ADAMTS6: variants seen among roughly 807,000 people sequenced by gnomAD.
ADAMTS6 encodes the protein ADAM metallopeptidase with thrombospondin type 1 motif 6, also known as A disintegrin and metalloproteinase with thrombospondin motifs 6.
A neutral mutation model predicts 144.3 loss-of-function variants in ADAMTS6; 23 were observed. That is an observed-to-expected ratio of 0.16 (90% confidence interval 0.11 to 0.23). The LOEUF is 0.23. ADAMTS6 is among the 10% of genes least tolerant of loss of function. The pLI is 1.00. For synonymous variants in ADAMTS6, 444 were observed against 457.5 expected, an observed-to-expected ratio of 0.97 and a Z score of 0.38; for missense variants, 999 against 1,379.6, an observed-to-expected ratio of 0.72 and a Z score of 4.37.
chr5:65,274,892 C>A lies in ADAMTS6; in HGVS notation c.1513-1445G>T, dbSNP rs183501055. Among the ~76,000 whole-genome samples, 22 of 152,224 alleles carry A rather than the reference C, an allele frequency of 1.4e-4. No homozygotes were observed. In the East Asian group the frequency reaches 3.1e-3, roughly 21 times the overall value. ...TAGAGACAGGGTTTCACGATGTTGG[C>A]CAGGCTGGTCTTGAACTCCTGACCT... On this transcript the variant is annotated intron_variant, in intron 11 of 24. Transcript: ENST00000381055.
At chr5:65,239,654 A>G (rs1464125133) in intron 15 of ADAMTS6, among the ~76,000 whole-genome samples, 2 of 152,214 alleles carry the variant, frequency 1.3e-5, no homozygotes, top group Non-Finnish European at 2.9e-5. Context: ...TGTAAAACTT[A>G]TAAATGACTA....
At chr5:65,205,314 C>T (rs911175878) in intron 20 of ADAMTS6, among the ~76,000 whole-genome samples, 6 of 152,092 alleles carry the variant, frequency 3.9e-5, no homozygotes, top group African/African-American at 1.4e-4. Flanking sequence ...TGTTAGTTCA[C>T]TAATAATGTG....
At chr5:65,304,655 C>T (rs1263574325) in intron 9 of ADAMTS6, among the ~76,000 whole-genome samples, 1 of 152,068 alleles carries the variant, frequency 6.6e-6, no homozygotes, top group Non-Finnish European at 1.5e-5. Flanking sequence ...TGATCTCAAA[C>T]TCTGGGCTCA....
chr5:65,427,791 C>T (rs375251041), intron 7 of ADAMTS6, among the ~76,000 whole-genome samples: 14 of 139,634 alleles, frequency 1.0e-4, no homozygotes, highest in Non-Finnish European at 1.4e-4. Flanking sequence ...GAGCAAGACT[C>T]GGTCTCAAAA....
chr5:65,341,496 C>A (rs901073256), intron 7 of ADAMTS6, among the ~76,000 whole-genome samples: 1 of 151,602 alleles, frequency 6.6e-6, no homozygotes, highest in African/African-American at 2.4e-5. Context: ...AATAATATCT[C>A]AGAAATAAAA....
chr5:65,347,923 T>C (rs560916035), intron 7 of ADAMTS6, among the ~76,000 whole-genome samples: 2 of 152,154 alleles, frequency 1.3e-5, no homozygotes, highest in East Asian at 3.9e-4. Context: ...TATGAAAGAA[T>C]GTTCAACATC....
At chr5:65,405,476 A>G (rs1284556271) in intron 7 of ADAMTS6, among the ~76,000 whole-genome samples, 1 of 152,002 alleles carries the variant, frequency 6.6e-6, no homozygotes, top group African/African-American at 2.4e-5. Context: ...TATTATTTCT[A>G]AGGGCTCTGT....
At chr5:65,470,113 G>C (rs1760319560) in intron 3 of ADAMTS6, among the ~76,000 whole-genome samples, 1 of 151,852 alleles carries the variant, frequency 6.6e-6, no homozygotes. Flanking sequence ...TTTAGAAATG[G>C]GTGCCTCGCC....
intron 8 of ADAMTS6, among the ~76,000 whole-genome samples, chr5:65,333,232 A>G (rs1746953387): frequency 6.7e-6 from 1 of 148,940 alleles, no homozygotes; most frequent in Non-Finnish European, 1.5e-5. Context: ...AAAAATTGAG[A>G]AAAAAAGCTT....
intron 14 of ADAMTS6, among the ~76,000 whole-genome samples, chr5:65,249,201 G>A (rs537493745): frequency 6.6e-6 from 1 of 152,118 alleles, no homozygotes; most frequent in Non-Finnish European, 1.5e-5. Context: ...TTTCCTGATG[G>A]TCCACACCTG....
Position 65,473,835 on chromosome 5 carries a change from C to G in ADAMTS6, c.-162G>C. The G allele has an allele frequency of 1.8e-6, 1 of 547,886 alleles. No individual in the cohort carries two copies. The highest frequency in any genetic ancestry group is 2.8e-5 in the East Asian group (1 of 35,368). The allele number at this position is 547,886 out of a possible 1,614,324, so 33.9% of individuals were successfully genotyped here. On this transcript the variant is annotated 5_prime_UTR_variant, in exon 2 of 25. Coordinates refer to ENST00000381055, the MANE Select transcript of ADAMTS6 (RefSeq NM_197941.4). ...AGCCACTTTTATCCAACATCCTGCA[C>G]TTTCTTCTATATCTGGATTCATTTT...
chr5:65,267,255 A>G (rs1761693515), intron 12 of ADAMTS6, among the ~76,000 whole-genome samples: 2 of 152,088 alleles, frequency 1.3e-5, no homozygotes, highest in African/African-American at 4.8e-5. Context: ...TTTATTTTCA[A>G]AGGTTATCCA....
At chr5:65,197,264 C>G in intron 20 of ADAMTS6, 113 bp from the exon 21 acceptor site, 2 of 1,069,458 alleles carry the variant, frequency 1.9e-6, no homozygotes, top group Non-Finnish European at 2.6e-6. Flanking sequence ...GCCGTCTTAT[C>G]TGTTCCACAT....
intron 7 of ADAMTS6, among the ~76,000 whole-genome samples, chr5:65,408,645 A>G (rs903142291): frequency 2.0e-5 from 3 of 152,182 alleles, no homozygotes; most frequent in African/African-American, 7.2e-5. Context: ...TGCACCAAGC[A>G]GACCTAATAG....
chr5:65,383,682 T>G lies in ADAMTS6; in HGVS notation c.1074-49597A>C, dbSNP rs574673464. ...TGGAAATGCACTTTGATTCCTCTAC[T>G]GCTCTGGGGTGTTGGGGGCATTCCC... On this transcript the variant is annotated intron_variant, in intron 7 of 24. Transcript: ENST00000381055. Among the ~76,000 whole-genome samples the G allele has an allele frequency of 1.1e-3, 170 of 152,278 alleles. 2 individuals are homozygous for G. Among genetic ancestry groups the G allele is most frequent in the South Asian group, 3.5e-3 (17 of 4,826 alleles).
chr5:65,220,562 C>T (rs1185005786), intron 18 of ADAMTS6, among the ~76,000 whole-genome samples: 3 of 151,892 alleles, frequency 2.0e-5, no homozygotes, highest in East Asian at 1.9e-4. Flanking sequence ...CTGGCTAACA[C>T]GGTGAAACCC....
intron 7 of ADAMTS6, among the ~76,000 whole-genome samples, chr5:65,352,699 C>T (rs1002222824): frequency 1.3e-5 from 2 of 152,014 alleles, no homozygotes; most frequent in Non-Finnish European, 2.9e-5. Context: ...TACCACAGAG[C>T]ATATATATAA....
intron 15 of ADAMTS6, among the ~76,000 whole-genome samples, chr5:65,231,689 T>C (rs1296841549): frequency 6.6e-6 from 1 of 152,124 alleles, no homozygotes; most frequent in Non-Finnish European, 1.5e-5. Flanking sequence ...CTGACCACAA[T>C]GGTATAAAAC....
intron 7 of ADAMTS6, among the ~76,000 whole-genome samples, chr5:65,342,564 T>C (rs1354445112): frequency 1.3e-5 from 2 of 151,954 alleles, no homozygotes; most frequent in African/African-American, 4.8e-5. Flanking sequence ...CTCAACATAA[T>C]AAAGGCCCTA....
Sources: gnomAD v4.1 joint callset for allele counts (sites outside exome capture counted in the v4.1 genomes callset) on GRCh38, gnomAD v4.1.1 for gene constraint, MANE v1.5 for transcripts, NCBI Gene and HGNC (gene_info 2026-07-23, HGNC 2026-07-21) for gene names.